The following DOCK3 variants were observed in gnomAD, a reference collection of about 807,000 sequenced individuals.
DOCK3 encodes dedicator of cytokinesis 3.
DOCK3 carries 60 observed loss-of-function variants against 265.6 expected under a neutral mutation model. The observed-to-expected ratio is 0.23, with a 90% CI of 0.18 to 0.28. DOCK3 has a LOEUF of 0.28. Ranked by LOEUF, DOCK3 falls within the 10% of genes least tolerant of loss-of-function variation. The pLI, the probability that DOCK3 is intolerant of heterozygous loss-of-function variation, is 1.00. For synonymous variants in DOCK3, 881 were observed against 938.0 expected, an observed-to-expected ratio of 0.94 and a Z score of 1.11; for missense variants, 1,981 against 2,594.3, an observed-to-expected ratio of 0.76 and a Z score of 5.14.
chr3:50,911,420 T>G (rs1056470857), intron 4 of DOCK3, among the ~76,000 whole-genome samples: 3 of 152,152 alleles, frequency 2.0e-5, no homozygotes, highest in Non-Finnish European at 4.4e-5. Context: ...TACTGTCCTT[T>G]CTCCAATGTA....
chr3:51,335,089 T>C (rs2084773854), intron 35 of DOCK3, among the ~76,000 whole-genome samples: 1 of 152,214 alleles, frequency 6.6e-6, no homozygotes, highest in Non-Finnish European at 1.5e-5. Flanking sequence ...CCCCTGTTTA[T>C]TGAAAATCTA....
At chr3:50,862,796 A>G (rs1003385642) in intron 3 of DOCK3, among the ~76,000 whole-genome samples, 13 of 152,088 alleles carry the variant, frequency 8.5e-5, no homozygotes, top group Non-Finnish European at 1.8e-4. Flanking sequence ...CATTTTGTGT[A>G]GGGAGGGGGA....
intron 9 of DOCK3, among the ~76,000 whole-genome samples, chr3:51,124,528 G>A (rs2084175867): frequency 6.6e-6 from 1 of 152,142 alleles, no homozygotes; most frequent in Admixed American, 6.5e-5. Context: ...ATGGCAGAAA[G>A]GATAGACTGA....
chr3:51,054,553 C>T (rs925711661), intron 5 of DOCK3, among the ~76,000 whole-genome samples: 2 of 152,036 alleles, frequency 1.3e-5, no homozygotes, highest in African/African-American at 4.8e-5. Context: ...TGATATTTCC[C>T]TCCTCTTTGT....
intron 1 of DOCK3, chr3:50,685,790 C>T (rs553471840): frequency 1.5e-5 from 3 of 196,608 alleles, no homozygotes; most frequent in East Asian, 2.7e-4. Context: ...CAAGGGCTGT[C>T]CATGGCCTAG....
intron 12 of DOCK3, among the ~76,000 whole-genome samples, chr3:51,191,890 C>T (rs2087969352): frequency 6.6e-6 from 1 of 151,466 alleles, no homozygotes; most frequent in Non-Finnish European, 1.5e-5. Context: ...AATATTAGTC[C>T]CTTGTTGTAT....
rs1003817902 is a variant in DOCK3, at chr3:51,008,452, T to C, written c.316-55996T>C. On this transcript the variant is annotated intron_variant, in intron 5 of 52. Coordinates refer to ENST00000266037, the MANE Select transcript of DOCK3 (RefSeq NM_004947.5). ...TTTGTCTGCTATTGGTGTAGAAGGA[T>C]GCTTGTGATTTTTGCACATCGATTT... Among the ~76,000 whole-genome samples, 5 of 152,242 alleles carry C rather than the reference T, an allele frequency of 3.3e-5. No homozygotes were observed. In the East Asian group the frequency reaches 9.6e-4, roughly 29 times the overall value.
chr3:51,056,920 G>T (rs1169716445), intron 5 of DOCK3, among the ~76,000 whole-genome samples: 1 of 152,128 alleles, frequency 6.6e-6, no homozygotes, highest in Non-Finnish European at 1.5e-5. Flanking sequence ...AAAGTTTTTA[G>T]TACTAGTGGC....
At chr3:51,038,964 A>G (rs1000529871) in intron 5 of DOCK3, among the ~76,000 whole-genome samples, 1 of 151,850 alleles carries the variant, frequency 6.6e-6, no homozygotes, top group African/African-American at 2.4e-5. Context: ...TTCTCTACAC[A>G]GAATAATGTT....
intron 9 of DOCK3, among the ~76,000 whole-genome samples, chr3:51,097,957 C>T (rs2082927553): frequency 6.6e-6 from 1 of 152,190 alleles, no homozygotes; most frequent in African/African-American, 2.4e-5. Context: ...GTCTAACCAG[C>T]CCCAATGAGA....
intron 35 of DOCK3, among the ~76,000 whole-genome samples, chr3:51,334,551 C>A (rs535836246): frequency 3.9e-4 from 60 of 152,294 alleles, no homozygotes; most frequent in African/African-American, 1.4e-3. Flanking sequence ...AGCATCCCCC[C>A]ATTCTGTAGC....
chr3:51,355,146 C>G lies in DOCK3; in HGVS notation c.4249+123C>G. 6 of 1,337,814 alleles carry G rather than the reference C, an allele frequency of 4.5e-6. 1 individual carries two copies. Among genetic ancestry groups the G allele is most frequent in the Middle Eastern group, 5.2e-4 (2 of 3,856 alleles). The allele number at this position is 1,337,814 out of a possible 1,614,324, so 82.9% of individuals were successfully genotyped here. A position where few individuals can be genotyped will look rare whatever the true frequency, so the allele number is the denominator to read the frequency against. ...GTTTAGATATCCCATAGTCCTAAAC[C>G]TGAGTGTGTCCTCATTGCTTAGCAC... On this transcript the variant is annotated intron_variant, in intron 41 of 52. Transcript: ENST00000266037.
intron 10 of DOCK3, among the ~76,000 whole-genome samples, chr3:51,148,461 T>C (rs2085408155): frequency 6.6e-6 from 1 of 152,202 alleles, no homozygotes; most frequent in Non-Finnish European, 1.5e-5. Flanking sequence ...TCTTCTAGGA[T>C]TTTTATGGTT....
chr3:51,096,812 C>T (rs540981862), intron 9 of DOCK3, among the ~76,000 whole-genome samples: 10 of 152,268 alleles, frequency 6.6e-5, no homozygotes, highest in African/African-American at 1.9e-4. Flanking sequence ...TGGTGACCTC[C>T]GGATAGGGTT....
intron 5 of DOCK3, among the ~76,000 whole-genome samples, chr3:51,010,015 G>A (rs1034063462): frequency 6.6e-6 from 1 of 152,158 alleles, no homozygotes; most frequent in Non-Finnish European, 1.5e-5. Flanking sequence ...TTTTACATTT[G>A]CTGAGGAGTG....
intron 1 of DOCK3, among the ~76,000 whole-genome samples, chr3:50,713,314 T>G (rs2036889153): frequency 6.6e-6 from 1 of 152,072 alleles, no homozygotes; most frequent in Non-Finnish European, 1.5e-5. Context: ...TTGTAAAGAG[T>G]TAAGGTTAAG....
chr3:50,687,575 G>A (rs2034915903), intron 1 of DOCK3, among the ~76,000 whole-genome samples: 1 of 152,186 alleles, frequency 6.6e-6, no homozygotes, highest in African/African-American at 2.4e-5. Context: ...ACAGAGCTGT[G>A]CAAATAGAAT....
At chr3:51,155,960 G>A (rs1177080255) in intron 10 of DOCK3, among the ~76,000 whole-genome samples, 1 of 152,142 alleles carries the variant, frequency 6.6e-6, no homozygotes. Flanking sequence ...GACCAACTCA[G>A]AGAATGAATT....
At chr3:50,962,868 T>C (rs1048112980) in intron 5 of DOCK3, among the ~76,000 whole-genome samples, 3 of 152,328 alleles carry the variant, frequency 2.0e-5, no homozygotes, top group East Asian at 1.9e-4. Context: ...CGATTTTAAA[T>C]GCAATAATTA....
Sources: gnomAD v4.1 joint callset for allele counts (sites outside exome capture counted in the v4.1 genomes callset) on GRCh38, gnomAD v4.1.1 for gene constraint, MANE v1.5 for transcripts, NCBI Gene and HGNC (gene_info 2026-07-23, HGNC 2026-07-21) for gene names.